Variants in HYCC1 observed in about 807,000 individuals in gnomAD.
The protein encoded by HYCC1 is hyccin.
At chr7:22,909,614 C>A in the HYCC1 span, among the ~76,000 whole-genome samples, 2 of 152,074 alleles carry the variant, frequency 1.3e-5, no homozygotes, top group African/African-American at 4.8e-5. Flanking sequence ...GGTTATTAAC[C>A]CTAAAGATGG....
At chr7:22,967,482 G>A in the HYCC1 span, among the ~76,000 whole-genome samples, 1 of 152,212 alleles carries the variant, frequency 6.6e-6, no homozygotes, top group Non-Finnish European at 1.5e-5. Flanking sequence ...ACATCATGGA[G>A]CCAGAACATG....
chr7:22,944,658 G>C, the HYCC1 span: 1 of 152,064 alleles, frequency 6.6e-6, no homozygotes, highest in African/African-American at 2.4e-5. Flanking sequence ...ATTATACAGT[G>C]GTATCTTGAG....
chr7:22,970,625 G>C, the HYCC1 span, among the ~76,000 whole-genome samples: 1 of 152,200 alleles, frequency 6.6e-6, no homozygotes, highest in African/African-American at 2.4e-5. Context: ...CATTTGAGCT[G>C]AGACCCAAAA....
chr7:22,987,510 T>A, the HYCC1 span, among the ~76,000 whole-genome samples: 1 of 152,236 alleles, frequency 6.6e-6, no homozygotes. Flanking sequence ...ACTGTGCCAC[T>A]GCACTCCAGC....
the HYCC1 span, among the ~76,000 whole-genome samples, chr7:22,898,672 G>A: frequency 2.0e-5 from 3 of 146,992 alleles, no homozygotes; most frequent in South Asian, 2.1e-4. Context: ...GCATGATCTC[G>A]GCTCACTGCA....
At chr7:22,962,112 CA>C in the HYCC1 span, among the ~76,000 whole-genome samples, 1 of 152,088 alleles carries the variant, frequency 6.6e-6, no homozygotes, top group East Asian at 1.9e-4. Context: ...AAGAATCCAT[CA>C]AAGAGCCGAG....
At chr7:23,013,504 G>A in the HYCC1 span, among the ~76,000 whole-genome samples, 12 of 152,320 alleles carry the variant, frequency 7.9e-5, no homozygotes, top group Admixed American at 2.0e-4. Flanking sequence ...GCCGCGGCAG[G>A]GAGGGGACGG....
the HYCC1 span, among the ~76,000 whole-genome samples, chr7:22,920,584 A>T: frequency 5.3e-4 from 80 of 152,276 alleles, no homozygotes; most frequent in African/African-American, 1.8e-3. Flanking sequence ...AAAAAAAATC[A>T]TTGCTCGCAG....
chr7:22,974,484 T>A, the HYCC1 span, among the ~76,000 whole-genome samples: 1 of 152,118 alleles, frequency 6.6e-6, no homozygotes, highest in South Asian at 2.1e-4. Context: ...ACTTGGTGAG[T>A]GGGAGAGATG....
At chr7:23,008,506 C>T in the HYCC1 span, among the ~76,000 whole-genome samples, 1 of 151,990 alleles carries the variant, frequency 6.6e-6, no homozygotes, top group African/African-American at 2.4e-5. Flanking sequence ...CAGTGAGGTT[C>T]TTTTAGGATC....
the HYCC1 span, among the ~76,000 whole-genome samples, chr7:22,949,688 A>C: frequency 1.8e-4 from 27 of 152,166 alleles, no homozygotes; most frequent in Middle Eastern, 3.4e-3. Context: ...AAAAACTAGA[A>C]AATGACAGGG....
chr7:22,913,013 A>T, the HYCC1 span, among the ~76,000 whole-genome samples: 214 of 152,154 alleles, frequency 1.4e-3, no homozygotes, highest in Non-Finnish European at 2.4e-3. Context: ...AATCCCAGCT[A>T]CTTGGGAAGC....
At chr7:22,904,384 T>C in the HYCC1 span, among the ~76,000 whole-genome samples, 1 of 149,814 alleles carries the variant, frequency 6.7e-6, no homozygotes, top group East Asian at 2.0e-4. Context: ...TGAGCTGAGA[T>C]CGTGCCACTG....
chr7:22,966,948 T>C, the HYCC1 span, among the ~76,000 whole-genome samples: 1 of 152,210 alleles, frequency 6.6e-6, no homozygotes, highest in Non-Finnish European at 1.5e-5. Flanking sequence ...CAAACTAGAA[T>C]AGAGACTCCT....
the HYCC1 span, among the ~76,000 whole-genome samples, chr7:22,918,310 C>G: frequency 6.6e-6 from 1 of 152,126 alleles, no homozygotes; most frequent in South Asian, 2.1e-4. Context: ...TCCAGGCCAT[C>G]ACTAATCATG....
the HYCC1 span, among the ~76,000 whole-genome samples, chr7:23,000,702 T>C: frequency 6.6e-6 from 1 of 152,104 alleles, no homozygotes; most frequent in African/African-American, 2.4e-5. Flanking sequence ...TTTTTGCCAG[T>C]GGAATTTAGC....
chr7:22,984,218 A>G, the HYCC1 span, among the ~76,000 whole-genome samples: 149 of 152,318 alleles, frequency 9.8e-4, 1 homozygote, highest in Middle Eastern at 0.01. Context: ...TGCTGGAATT[A>G]GATGCTGGCA....
the HYCC1 span, among the ~76,000 whole-genome samples, chr7:22,907,694 G>A: frequency 1.3e-5 from 2 of 152,126 alleles, no homozygotes; most frequent in African/African-American, 4.8e-5. Context: ...TGGATCACTT[G>A]ATGTCAGGAG....
At chr7:23,014,061 A>G in the HYCC1 span, 1 of 470,754 alleles carries the variant, frequency 2.1e-6, no homozygotes, top group Non-Finnish European at 4.4e-6. Context: ...GGTCCCGGTG[A>G]GCCATCTTCC....
Sources: allele counts gnomAD v4.1 joint callset (sites outside exome capture counted in the v4.1 genomes callset), GRCh38; gene constraint gnomAD v4.1.1; transcripts MANE v1.5; gene names NCBI Gene and HGNC (gene_info 2026-07-23, HGNC 2026-07-21).